The following KCNH7 variants were observed in gnomAD, a reference collection of about 807,000 sequenced individuals.
The protein encoded by KCNH7 is potassium voltage-gated channel subfamily H member 7.
Under a neutral mutation model 120.8 loss-of-function variants are expected in KCNH7, and 49 were observed. That is an observed-to-expected ratio of 0.41 (90% CI 0.32 to 0.51). The LOEUF (loss-of-function observed/expected upper bound fraction) is 0.51, where lower values mean the gene tolerates loss of function less well. Among genes scored for constraint, KCNH7 ranks in the 20% least tolerant of loss-of-function variants. KCNH7 has a pLI of 0.38. For missense variants in KCNH7, 1,097 were observed against 1,446.6 expected, an observed-to-expected ratio of 0.76 and a Z score of 3.92; for synonymous variants, 547 against 516.1, an observed-to-expected ratio of 1.06 and a Z score of -0.81.
At chr2:162,716,752 T>C (rs1045075046) in intron 2 of KCNH7, among the ~76,000 whole-genome samples, 14 of 152,150 alleles carry the variant, frequency 9.2e-5, no homozygotes, top group Admixed American at 3.3e-4. Flanking sequence ...AGCAGACCAA[T>C]ATGATTCAAA....
intron 2 of KCNH7, among the ~76,000 whole-genome samples, chr2:162,571,151 T>C (rs1376303821): frequency 1.3e-5 from 2 of 151,792 alleles, no homozygotes; most frequent in Non-Finnish European, 2.9e-5. Context: ...AAAACCCCAT[T>C]GTCTCAGCCC....
At chr2:162,685,194 T>TG (rs58486918) in intron 2 of KCNH7, among the ~76,000 whole-genome samples, 25,683 of 151,590 alleles carry the variant, frequency 0.17, 2,526 homozygotes, top group East Asian at 0.46. Flanking sequence ...CGGGGCCTGT[T>TG]GGGGCTGGGG....
chr2:162,442,008 T>TTTTTTTA (rs1688434472), intron 7 of KCNH7, among the ~76,000 whole-genome samples: 1 of 92,188 alleles, frequency 1.1e-5, no homozygotes, highest in Non-Finnish European at 2.0e-5. Flanking sequence ...TCTTTTTTTT[T>TTTTTTTA]TTTTTTTTTT....
chr2:162,666,089 T>C (rs1685123855), intron 2 of KCNH7, among the ~76,000 whole-genome samples: 2 of 152,252 alleles, frequency 1.3e-5, no homozygotes, highest in Non-Finnish European at 2.9e-5. Flanking sequence ...TTCATGAAAA[T>C]TATTGCTTAG....
intron 2 of KCNH7, among the ~76,000 whole-genome samples, chr2:162,723,287 C>A (rs1687396213): frequency 6.6e-6 from 1 of 152,090 alleles, no homozygotes; most frequent in Non-Finnish European, 1.5e-5. Context: ...AAAACCCCCA[C>A]CAATCAGCCC....
chr2:162,766,037 C>CT (rs201026709), intron 2 of KCNH7, among the ~76,000 whole-genome samples: 8 of 150,942 alleles, frequency 5.3e-5, no homozygotes, highest in East Asian at 1.9e-4. Context: ...GATTGCAGAA[C>CT]TTTTTTTTTT....
chr2:162,432,193 TA>T (rs1688093181), intron 8 of KCNH7, among the ~76,000 whole-genome samples: 1 of 152,024 alleles, frequency 6.6e-6, no homozygotes, highest in Non-Finnish European at 1.5e-5. Context: ...CTATTAGTTT[TA>T]ATCGCAAAAT....
At chr2:162,601,209 G>A (rs910450894) in intron 2 of KCNH7, among the ~76,000 whole-genome samples, 62 of 151,944 alleles carry the variant, frequency 4.1e-4, no homozygotes, top group African/African-American at 1.5e-3. Flanking sequence ...TGAGGCCTAC[G>A]GGTGGTCAGT....
intron 2 of KCNH7, among the ~76,000 whole-genome samples, chr2:162,718,923 C>A (rs1006466411): frequency 6.6e-6 from 1 of 151,984 alleles, no homozygotes; most frequent in Admixed American, 6.6e-5. Context: ...TATGGCTATC[C>A]AATTTTAAGA....
At chr2:162,469,850 G>A (rs1359867489) in intron 6 of KCNH7, among the ~76,000 whole-genome samples, 1 of 151,916 alleles carries the variant, frequency 6.6e-6, no homozygotes, top group African/African-American at 2.4e-5. Context: ...GCGATTGCAG[G>A]CGCGCGCCGC....
intron 2 of KCNH7, among the ~76,000 whole-genome samples, chr2:162,670,740 A>T (rs1403232963): frequency 6.6e-6 from 1 of 151,982 alleles, no homozygotes; most frequent in East Asian, 1.9e-4. Flanking sequence ...ACCAAAAAAA[A>T]CCCTAATTTA....
At chr2:162,512,509 G>A in intron 5 of KCNH7, 145 bp downstream of exon 5, 1 of 595,786 alleles carries the variant, frequency 1.7e-6, no homozygotes, top group Non-Finnish European at 3.0e-6. Context: ...GCAAAATCAA[G>A]CCATGATGTC....
chr2:162,442,228 G>T (rs902956206), intron 7 of KCNH7, among the ~76,000 whole-genome samples: 14 of 151,224 alleles, frequency 9.3e-5, no homozygotes, highest in African/African-American at 3.2e-4. Context: ...GGGTTTCACC[G>T]TGTTAGACAG....
intron 6 of KCNH7, among the ~76,000 whole-genome samples, chr2:162,478,193 G>C (rs1428083975): frequency 6.6e-6 from 1 of 152,096 alleles, no homozygotes; most frequent in African/African-American, 2.4e-5. Flanking sequence ...TCACACACCT[G>C]GATTAACTGC....
At chr2:162,623,586 G>C (rs949211910) in intron 2 of KCNH7, among the ~76,000 whole-genome samples, 2 of 152,180 alleles carry the variant, frequency 1.3e-5, no homozygotes, top group Non-Finnish European at 2.9e-5. Flanking sequence ...CAGAGATTTA[G>C]AGCATGGATT....
At chr2:162,404,657 G>C (rs1260598048) in intron 9 of KCNH7, among the ~76,000 whole-genome samples, 1 of 151,942 alleles carries the variant, frequency 6.6e-6, no homozygotes, top group Non-Finnish European at 1.5e-5. Flanking sequence ...ATGACCGTAA[G>C]TTCCTGAGGC....
intron 2 of KCNH7, among the ~76,000 whole-genome samples, chr2:162,702,101 C>T (rs1686529298): frequency 6.6e-6 from 1 of 151,824 alleles, no homozygotes; most frequent in Non-Finnish European, 1.5e-5. Context: ...GAGGGAAATG[C>T]ATGGAGAAAA....
intron 3 of KCNH7, among the ~76,000 whole-genome samples, chr2:162,526,493 G>A (rs191235450): frequency 3.5e-3 from 529 of 151,796 alleles, no homozygotes; most frequent in Non-Finnish European, 6.3e-3. Context: ...CCGCCCCCCC[G>A]AAGCAGCCAT....
chr2:162,720,334 G>T (rs370935031), intron 2 of KCNH7, among the ~76,000 whole-genome samples: 1 of 150,548 alleles, frequency 6.6e-6, no homozygotes, highest in Admixed American at 6.6e-5. Context: ...GAGAGAGAGA[G>T]GGAGAGAGAG....
Sources: gnomAD v4.1 joint callset for allele counts (sites outside exome capture counted in the v4.1 genomes callset) on GRCh38, gnomAD v4.1.1 for gene constraint, MANE v1.5 for transcripts, NCBI Gene and HGNC (gene_info 2026-07-23, HGNC 2026-07-21) for gene names.